SUGCT: variants seen among roughly 807,000 people sequenced by gnomAD.
SUGCT encodes the protein succinyl-CoA:glutarate-CoA transferase, also known as succinyl-CoA:glutarate CoA-transferase.
Under a neutral mutation model 55.0 loss-of-function variants are expected in SUGCT, and 41 were observed. The observed-to-expected ratio is 0.74, with a 90% CI of 0.58 to 0.97. The LOEUF (loss-of-function observed/expected upper bound fraction) is 0.97. Among genes scored for constraint, SUGCT ranks in the 50% least tolerant of loss-of-function variants. SUGCT has a pLI of 0.00. For missense variants in SUGCT, 568 were observed against 547.8 expected (o/e 1.04, Z -0.37); for synonymous variants, 187 against 200.4 (o/e 0.93, Z 0.56).
intron 7 of SUGCT, among the ~76,000 whole-genome samples, chr7:40,241,216 A>G (rs1014142703): frequency 6.6e-6 from 1 of 152,214 alleles, no homozygotes; most frequent in Non-Finnish European, 1.5e-5. Flanking sequence ...GAAAAAACTC[A>G]AAGTGCAACT....
At chr7:40,444,094 G>A (rs1438216984) in intron 9 of SUGCT, among the ~76,000 whole-genome samples, 2 of 150,670 alleles carry the variant, frequency 1.3e-5, no homozygotes, top group Non-Finnish European at 2.9e-5. Flanking sequence ...CTCTGTTTTG[G>A]TACCAGTACC....
At chr7:40,539,802 T>C (rs1427953227) in intron 12 of SUGCT, 1 of 152,252 alleles carries the variant, frequency 6.6e-6, no homozygotes, top group Non-Finnish European at 1.5e-5. Context: ...GTTAAGAATA[T>C]GTTATTGTTT....
At chr7:40,873,882 G>C in the SUGCT span, among the ~76,000 whole-genome samples, 2 of 152,210 alleles carry the variant, frequency 1.3e-5, no homozygotes, top group African/African-American at 4.8e-5. Context: ...TTGGAGTTCA[G>C]AGATGGGAAT....
At chr7:40,722,789 A>G (rs1786412901) in intron 12 of SUGCT, among the ~76,000 whole-genome samples, 1 of 152,174 alleles carries the variant, frequency 6.6e-6, no homozygotes, top group Non-Finnish European at 1.5e-5. Context: ...ATCTTTTCAA[A>G]TTGCCCCTTT....
chr7:40,489,223 C>A (rs1410964256), intron 11 of SUGCT, among the ~76,000 whole-genome samples: 1 of 147,178 alleles, frequency 6.8e-6, no homozygotes, highest in South Asian at 2.2e-4. Context: ...TTGGTTAATT[C>A]TTTTTTTAAT....
intron 13 of SUGCT, among the ~76,000 whole-genome samples, chr7:40,843,186 G>A (rs555353965): frequency 6.6e-6 from 1 of 152,266 alleles, no homozygotes; most frequent in African/African-American, 2.4e-5. Context: ...AGGGGCGATG[G>A]AAAGTAGCAG....
At chr7:40,482,362 G>T (rs1383393131) in intron 11 of SUGCT, among the ~76,000 whole-genome samples, 1 of 147,726 alleles carries the variant, frequency 6.8e-6, no homozygotes, top group South Asian at 2.1e-4. Context: ...CAGAATCATG[G>T]TATGGAGAAA....
At chr7:40,444,203 C>A (rs188595036) in intron 9 of SUGCT, among the ~76,000 whole-genome samples, 2 of 152,068 alleles carry the variant, frequency 1.3e-5, no homozygotes, top group Non-Finnish European at 2.9e-5. Flanking sequence ...CTTGGCAATG[C>A]GGGCTCTTTT....
intron 12 of SUGCT, among the ~76,000 whole-genome samples, chr7:40,705,713 C>T (rs911874442): frequency 2.6e-5 from 4 of 152,152 alleles, no homozygotes; most frequent in Admixed American, 6.5e-5. Context: ...AGCAAGGTCT[C>T]GGACCACTTA....
At chr7:40,819,459 G>A (rs1410509240) in intron 13 of SUGCT, among the ~76,000 whole-genome samples, 3 of 152,176 alleles carry the variant, frequency 2.0e-5, no homozygotes, top group Non-Finnish European at 1.5e-5. Flanking sequence ...TCTGACTGGT[G>A]TGAGATGGTA....
At chr7:40,421,711 A>C (rs2151372411) in intron 9 of SUGCT, among the ~76,000 whole-genome samples, 1 of 152,248 alleles carries the variant, frequency 6.6e-6, no homozygotes, top group East Asian at 1.9e-4. Context: ...TGATGCCATG[A>C]CTGCTTACCA....
At chr7:40,689,723 A>G (rs1354868849) in intron 12 of SUGCT, among the ~76,000 whole-genome samples, 1 of 151,206 alleles carries the variant, frequency 6.6e-6, no homozygotes, top group African/African-American at 2.4e-5. Context: ...GTAGCAGCCA[A>G]ACTGGCTGGA....
At chr7:40,277,624 A>G (rs951654018) in intron 8 of SUGCT, among the ~76,000 whole-genome samples, 1 of 151,882 alleles carries the variant, frequency 6.6e-6, no homozygotes, top group Non-Finnish European at 1.5e-5. Context: ...CTGGGCTGTG[A>G]GTAGTGGTTA....
chr7:40,450,524 C>T (rs928489224), intron 10 of SUGCT, among the ~76,000 whole-genome samples: 2 of 151,758 alleles, frequency 1.3e-5, no homozygotes, highest in African/African-American at 2.4e-5. Context: ...CCTGCAATCC[C>T]AGCACTTTGA....
At chr7:40,808,903 A>G (rs78732158) in intron 13 of SUGCT, among the ~76,000 whole-genome samples, 13,283 of 152,186 alleles carry the variant, frequency 0.087, 672 homozygotes, top group Middle Eastern at 0.17. Context: ...ATATATTTCA[A>G]TGACAAGGCA....
At chr7:40,451,398 C>G (rs964575887) in intron 10 of SUGCT, among the ~76,000 whole-genome samples, 2 of 152,156 alleles carry the variant, frequency 1.3e-5, no homozygotes, top group Admixed American at 6.5e-5. Flanking sequence ...CAGTTTTCAA[C>G]AAAGGTTCTT....
chr7:40,939,030 A>G, the SUGCT span, among the ~76,000 whole-genome samples: 2 of 152,186 alleles, frequency 1.3e-5, no homozygotes, highest in Non-Finnish European at 1.5e-5. Flanking sequence ...CTTTGGATAC[A>G]TACTATATTA....
At chr7:40,676,036 C>T (rs1192237707) in intron 12 of SUGCT, among the ~76,000 whole-genome samples, 1 of 152,054 alleles carries the variant, frequency 6.6e-6, no homozygotes, top group Non-Finnish European at 1.5e-5. Flanking sequence ...ATATAATTAA[C>T]AGTAGCTGGT....
intron 8 of SUGCT, among the ~76,000 whole-genome samples, chr7:40,314,559 CTTTTTTTTTTTT>C (rs1292941632): frequency 1.8e-5 from 2 of 108,732 alleles, no homozygotes; most frequent in African/African-American, 3.3e-5. Flanking sequence ...TCCCTTGTGT[CTTTTTTTTTTTT>C]TTTTTTTTTT....
Sources: gnomAD v4.1 joint callset for allele counts (sites outside exome capture counted in the v4.1 genomes callset) on GRCh38, gnomAD v4.1.1 for gene constraint, MANE v1.5 for transcripts, NCBI Gene and HGNC (gene_info 2026-07-23, HGNC 2026-07-21) for gene names.